Variants in MKRN2 observed in about 807,000 individuals in gnomAD.
MKRN2 encodes the protein E3 ubiquitin-protein ligase makorin-2.
A neutral mutation model predicts 45.4 loss-of-function variants in MKRN2; 32 were observed. The ratio of observed to expected loss-of-function variants is 0.70; its 90% CI spans 0.53 to 0.95. The LOEUF is 0.95. MKRN2 is among the 40% of genes least tolerant of loss of function. MKRN2 has a pLI of 0.00. For missense variants in MKRN2, 526 were observed against 536.7 expected, an observed-to-expected ratio of 0.98 and a Z score of 0.20; for synonymous variants, 206 against 192.4, an observed-to-expected ratio of 1.07 and a Z score of -0.59.
chr3:12,577,344 A>T (rs1178800481), intron 6 of MKRN2: 2 of 152,086 alleles, frequency 1.3e-5, no homozygotes, highest in East Asian at 3.9e-4. Context: ...GCGAAATTTT[A>T]GCTATTGTTT....
chr3:12,583,389 T>TGAGTA lies in MKRN2; in HGVS notation c.*1140_*1141insAGAGT, dbSNP rs2058203776. ...AAAATGTATTACTTAAGGTATTAGCTGAGTTTAGAGTACTTTCTGCTTAAT... is the reference window on the plus strand; with the variant it reads ...AAAATGTATTACTTAAGGTATTAGCTGAGTAGAGTTTAGAGTACTTTCTGCTTAAT... On this transcript the variant is annotated 3_prime_UTR_variant, in exon 8 of 8. Transcript: ENST00000170447. The TGAGTA allele has an allele frequency of 5.7e-6, 1 of 174,954 alleles. No individual in the cohort carries two copies. The highest frequency in any genetic ancestry group is 2.4e-5 in the African/African-American group (1 of 42,332). The allele number at this position is 174,954 out of a possible 1,614,324, so 10.8% of individuals were successfully genotyped here. A position where few individuals can be genotyped will look rare whatever the true frequency, so the allele number is the denominator to read the frequency against.
rs995031750 is a variant in MKRN2 at position 12,582,520 on chromosome 3, A to G, written c.*267A>G. 5.6e-6 allele frequency: 2 copies of G among 358,978 alleles called. No individual in the cohort carries two copies. Among genetic ancestry groups the G allele is most frequent in the Admixed American group, 8.2e-5 (2 of 24,534 alleles). The allele number at this position is 358,978 out of a possible 1,614,324, so 22.2% of individuals were successfully genotyped here. On this transcript the variant is annotated 3_prime_UTR_variant, in exon 8 of 8. Coordinates refer to ENST00000170447, the MANE Select transcript of MKRN2 (RefSeq NM_014160.5). ...AGCCCCTCAGGGGTAACAACTAACA[A>G]ACACCCAAACTGTTTGGATTGATTG...
intron 1 of MKRN2, among the ~76,000 whole-genome samples, chr3:12,567,416 C>T (rs2058075032): frequency 6.6e-6 from 1 of 151,206 alleles, no homozygotes; most frequent in Admixed American, 6.6e-5. Context: ...ACCACAGGTG[C>T]ATACCACCAT....
At chr3:12,564,426 TACCTAG>T (rs1168508332) in intron 1 of MKRN2, among the ~76,000 whole-genome samples, 1 of 152,262 alleles carries the variant, frequency 6.6e-6, no homozygotes, top group African/African-American at 2.4e-5. Flanking sequence ...TTTCATTTTA[TACCTAG>T]TCCATACTCA....
intron 4 of MKRN2, among the ~76,000 whole-genome samples, chr3:12,573,493 C>T (rs766311279): frequency 2.0e-4 from 30 of 150,982 alleles, no homozygotes; most frequent in Non-Finnish European, 3.2e-4. Flanking sequence ...AAGATTGTGC[C>T]ACTGCACTAC....
intron 6 of MKRN2, among the ~76,000 whole-genome samples, chr3:12,578,638 C>A (rs752040254): frequency 6.6e-6 from 1 of 151,996 alleles, no homozygotes; most frequent in South Asian, 2.1e-4. Flanking sequence ...GGTAACTTAG[C>A]CTTTGCCATT....
chr3:12,569,535 G>A (rs1374140418), intron 2 of MKRN2, among the ~76,000 whole-genome samples: 1 of 152,060 alleles, frequency 6.6e-6, no homozygotes, highest in Non-Finnish European at 1.5e-5. Flanking sequence ...CACAATTCCG[G>A]AAACTTGTTC....
At chr3:12,580,924 C>T (rs1477495724) in intron 6 of MKRN2, among the ~76,000 whole-genome samples, 1 of 152,222 alleles carries the variant, frequency 6.6e-6, no homozygotes, top group Admixed American at 6.5e-5. Context: ...CAGCAGCGTG[C>T]CCTTTCTGTT....
intron 1 of MKRN2, among the ~76,000 whole-genome samples, chr3:12,565,669 G>T (rs1461259587): frequency 6.6e-6 from 1 of 151,332 alleles, no homozygotes; most frequent in East Asian, 2.0e-4. Context: ...CCAAGTAGCT[G>T]GGAGCACAGG....
rs940681269 is a variant in MKRN2 at position 12,568,936 on chromosome 3, A to G, written c.88A>G (p.Asn30Asp). The change falls in exon 2 of 8, where the codon AAC becomes GAC. Residue 30 changes from asparagine (N) to aspartate (D), a missense_variant. Asn to Asp is a conservative substitution (Grantham distance 23). Transcript: ENST00000170447. The part of the protein sequence containing the change: ...SQCLFSHDLA[N>D]SKPSTICKYY... ...GTGCCTATTCTCACATGACTTGGCA[A>G]ACAGCAAACCGTCCACCATCTGCAA... The G allele has an allele frequency of 3.1e-6, 5 of 1,614,196 alleles. No homozygotes were observed. Among genetic ancestry groups the G allele is most frequent in the Non-Finnish European group, 4.2e-6 (5 of 1,180,040 alleles).
intron 4 of MKRN2, among the ~76,000 whole-genome samples, chr3:12,574,238 A>G (rs1178969913): frequency 6.6e-6 from 1 of 152,214 alleles, no homozygotes; most frequent in African/African-American, 2.4e-5. Context: ...CTGAGCTTAC[A>G]AGGGCTGGGC....
chr3:12,570,559 A>G (rs1471404496), intron 3 of MKRN2, among the ~76,000 whole-genome samples: 3 of 152,108 alleles, frequency 2.0e-5, no homozygotes, highest in African/African-American at 7.2e-5. Flanking sequence ...AGCTGGTGAG[A>G]AGCATCAAGC....
chr3:12,566,020 A>AT (rs1441910552), intron 1 of MKRN2, among the ~76,000 whole-genome samples: 5 of 151,288 alleles, frequency 3.3e-5, no homozygotes, highest in African/African-American at 9.7e-5. Flanking sequence ...TGCACGGCTG[A>AT]TTTTTGTATT....
intron 1 of MKRN2, among the ~76,000 whole-genome samples, chr3:12,564,441 C>T (rs2058058781): frequency 1.3e-5 from 2 of 152,172 alleles, no homozygotes; most frequent in Admixed American, 6.5e-5. Flanking sequence ...AGTCCATACT[C>T]ACATTTATTT....
intron 2 of MKRN2, among the ~76,000 whole-genome samples, chr3:12,569,506 A>G (rs1236372694): frequency 6.6e-6 from 1 of 152,202 alleles, no homozygotes; most frequent in Non-Finnish European, 1.5e-5. Context: ...TCTTATGAAT[A>G]TATAGTTATA....
At chr3:12,568,265 G>A (rs1343092048) in intron 1 of MKRN2, among the ~76,000 whole-genome samples, 2 of 152,318 alleles carry the variant, frequency 1.3e-5, no homozygotes, top group South Asian at 2.1e-4. Flanking sequence ...TTCAGCCTGG[G>A]TGACAGAGAG....
Position 12,583,436 on chromosome 3 carries a change from C to T in MKRN2, c.*1183C>T, listed in dbSNP as rs1471699838. 1 of 189,640 alleles carries T rather than the reference C, an allele frequency of 5.3e-6. No individual in the cohort carries two copies. The highest frequency in any genetic ancestry group is 2.3e-5 in the African/African-American group (1 of 42,954). The allele number at this position is 189,640 out of a possible 1,614,324, so 11.7% of individuals were successfully genotyped here. On this transcript the variant is annotated 3_prime_UTR_variant, in exon 8 of 8. Coordinates refer to ENST00000170447, the MANE Select transcript of MKRN2 (RefSeq NM_014160.5). The stretch of plus-strand genomic sequence containing the variant: ...TAATTAATTTTTATACTTAACTCTT[C>T]AGTAGAGGTTTACAAAGAGTACAAA...
rs114304359 is a variant in MKRN2 at position 12,583,063 on chromosome 3, T to G, written c.*810T>G. ...GTTCTTGCCCATCAGGGTAATTGTATTGAGAACTCAAATATACGTGCACTT... is the reference window on the plus strand; with the variant it reads ...GTTCTTGCCCATCAGGGTAATTGTAGTGAGAACTCAAATATACGTGCACTT... On this transcript the variant is annotated 3_prime_UTR_variant, in exon 8 of 8. Transcript: ENST00000170447. 1 of 152,232 alleles carries G rather than the reference T, an allele frequency of 6.6e-6. No individual in the cohort carries two copies. The highest frequency in any genetic ancestry group is 1.5e-5 in the Non-Finnish European group (1 of 68,044). The allele number at this position is 152,232 out of a possible 1,614,324, so 9.4% of individuals were successfully genotyped here.
chr3:12,583,164 T>G lies in MKRN2; in HGVS notation c.*911T>G, dbSNP rs574409371. 1 of 152,204 alleles carries G rather than the reference T, an allele frequency of 6.6e-6. No homozygotes were observed. The highest frequency in any genetic ancestry group is 2.4e-5 in the African/African-American group (1 of 41,444). The allele number at this position is 152,204 out of a possible 1,614,324, so 9.4% of individuals were successfully genotyped here. A position where few individuals can be genotyped will look rare whatever the true frequency, so the allele number is the denominator to read the frequency against. The stretch of plus-strand genomic sequence containing the variant: ...CTTTGATTTGAAATTTTGTAAAAAT[T>G]TCATGGCACCCAAGGTTTCTGATTC... On this transcript the variant is annotated 3_prime_UTR_variant, in exon 8 of 8. Transcript: ENST00000170447.
Sources: gnomAD v4.1 joint callset for allele counts (sites outside exome capture counted in the v4.1 genomes callset) on GRCh38, gnomAD v4.1.1 for gene constraint, MANE v1.5 for transcripts, NCBI Gene and HGNC (gene_info 2026-07-23, HGNC 2026-07-21) for gene names.